Variants in MAGI2 observed in about 807,000 individuals in gnomAD.
MAGI2 encodes the protein membrane associated guanylate kinase, WW and PDZ domain containing 2.
Under a neutral mutation model 133.3 loss-of-function variants are expected in MAGI2, and 35 were observed. That is an observed-to-expected ratio of 0.26 (90% CI 0.20 to 0.35). The LOEUF is 0.35. Among genes scored for constraint, MAGI2 ranks in the 10% least tolerant of loss-of-function variants. The probability of loss-of-function intolerance (pLI) is 1.00; values close to 1 mark genes in which losing one functional copy is unlikely to be tolerated. For synonymous variants in MAGI2, 729 were observed against 710.6 expected, an observed-to-expected ratio of 1.03 and a Z score of -0.41; for missense variants, 1,636 against 1,863.4, an observed-to-expected ratio of 0.88 and a Z score of 2.25.
chr7:79,053,377 A>G (rs115044666), intron 1 of MAGI2, among the ~76,000 whole-genome samples: 2,611 of 152,272 alleles, frequency 0.017, 27 homozygotes, highest in South Asian at 0.063. Context: ...AGTTTTCCAA[A>G]AACAAATACA....
chr7:79,164,231 C>T (rs989813182), intron 1 of MAGI2, among the ~76,000 whole-genome samples: 3 of 152,026 alleles, frequency 2.0e-5, no homozygotes, highest in Admixed American at 6.6e-5. Flanking sequence ...TCATGCCTTA[C>T]AAACCATGAA....
chr7:79,055,726 A>G (rs1813093675), intron 1 of MAGI2, among the ~76,000 whole-genome samples: 2 of 152,238 alleles, frequency 1.3e-5, no homozygotes, highest in South Asian at 4.1e-4. Flanking sequence ...ACTGCATGCA[A>G]CTATGAACTT....
At chr7:78,905,282 A>G (rs753297168) in intron 2 of MAGI2, among the ~76,000 whole-genome samples, 8 of 152,192 alleles carry the variant, frequency 5.3e-5, no homozygotes, top group Non-Finnish European at 1.2e-4. Context: ...CGTGCAAGCC[A>G]AAACATTTGG....
chr7:78,296,078 C>CCTAA (rs1562774913), intron 9 of MAGI2, among the ~76,000 whole-genome samples: 1 of 152,172 alleles, frequency 6.6e-6, no homozygotes, highest in Non-Finnish European at 1.5e-5. Flanking sequence ...CTAATAGCTT[C>CCTAA]CTAACTGGTC....
intron 2 of MAGI2, among the ~76,000 whole-genome samples, chr7:78,861,476 T>A (rs182684336): frequency 6.7e-4 from 102 of 152,314 alleles, no homozygotes; most frequent in African/African-American, 2.4e-3. Flanking sequence ...ACTTTCAAAT[T>A]TTATATATGA....
chr7:79,085,001 T>G (rs542686570), intron 1 of MAGI2, among the ~76,000 whole-genome samples: 24 of 151,876 alleles, frequency 1.6e-4, no homozygotes, highest in Admixed American at 3.3e-4. Context: ...TGCTTTCAAA[T>G]TATTTATATT....
intron 2 of MAGI2, among the ~76,000 whole-genome samples, chr7:79,006,250 C>A (rs150503505): frequency 6.6e-6 from 1 of 152,014 alleles, no homozygotes; most frequent in Non-Finnish European, 1.5e-5. Flanking sequence ...CCTTTCAGGA[C>A]TCATAGCTTT....
intron 20 of MAGI2, among the ~76,000 whole-genome samples, chr7:78,109,303 CAAAAAAAAA>C (rs71085511): frequency 6.5e-4 from 13 of 19,944 alleles, no homozygotes; most frequent in East Asian, 5.9e-3. Flanking sequence ...GACTCCGTCT[CAAAAAAAAA>C]AAAAAAAAAA....
At chr7:79,380,056 C>T (rs886535649) in intron 1 of MAGI2, among the ~76,000 whole-genome samples, 1 of 151,650 alleles carries the variant, frequency 6.6e-6, no homozygotes, top group Non-Finnish European at 1.5e-5. Flanking sequence ...AGAAGAAAAC[C>T]TAGGCAATAC....
chr7:79,061,137 AT>A (rs1813688714), intron 1 of MAGI2, among the ~76,000 whole-genome samples: 1 of 152,052 alleles, frequency 6.6e-6, no homozygotes, highest in East Asian at 1.9e-4. Flanking sequence ...CTAACCTTAC[AT>A]TTTAGAATTC....
At chr7:78,079,195 TTGGTGGCAGCC>T (rs1815694521) in intron 20 of MAGI2, 110 bp from the exon 21 acceptor site, 16 of 1,045,370 alleles carry the variant, frequency 1.5e-5, no homozygotes, top group Non-Finnish European at 2.1e-5. Flanking sequence ...TCCGAACAAT[TTGGTGGCAGCC>T]TGCTGCTTTT....
At chr7:79,014,765 C>A (rs924622513) in intron 1 of MAGI2, among the ~76,000 whole-genome samples, 1 of 152,064 alleles carries the variant, frequency 6.6e-6, no homozygotes, top group African/African-American at 2.4e-5. Context: ...AAAACACTTA[C>A]TAAGATTATT....
intron 3 of MAGI2, among the ~76,000 whole-genome samples, chr7:78,544,889 C>T (rs1798693820): frequency 6.6e-6 from 1 of 151,796 alleles, no homozygotes; most frequent in African/African-American, 2.4e-5. Flanking sequence ...AAAAACCTGA[C>T]TTCAGGTGAT....
chr7:78,940,726 C>G (rs985524897), intron 2 of MAGI2: 17 of 152,148 alleles, frequency 1.1e-4, no homozygotes, highest in African/African-American at 4.1e-4. Flanking sequence ...ATTACCAACA[C>G]AGCTGGGATT....
intron 1 of MAGI2, among the ~76,000 whole-genome samples, chr7:79,362,235 T>C (rs1842420414): frequency 6.6e-6 from 1 of 152,032 alleles, no homozygotes; most frequent in Admixed American, 6.6e-5. Flanking sequence ...AGTAAGGAAA[T>C]GCTATGAGCA....
At chr7:78,657,223 G>T (rs1445656962) in intron 2 of MAGI2, among the ~76,000 whole-genome samples, 1 of 152,168 alleles carries the variant, frequency 6.6e-6, no homozygotes, top group Non-Finnish European at 1.5e-5. Context: ...ATTCATTGCT[G>T]GTGGGAATGC....
In MAGI2 at chr7:79,222,932, T is replaced by G. The variant is rs909426722; in HGVS notation, c.302-215726A>C. On this transcript the variant is annotated intron_variant, in intron 1 of 21. Transcript: ENST00000354212. The stretch of plus-strand genomic sequence containing the variant: ...CGGAGTCTCACTCTGTCGCCCAGGC[T>G]GGAGTGCAGTGGCGCTGTCTCGGCT... Among the ~76,000 whole-genome samples, 6 of 152,104 alleles carry G rather than the reference T, an allele frequency of 3.9e-5. 1 individual carries two copies. Among genetic ancestry groups the G allele is most frequent in the African/African-American group, 1.5e-4 (6 of 41,352 alleles).
At chr7:78,718,052 C>A (rs566622255) in intron 2 of MAGI2, among the ~76,000 whole-genome samples, 38 of 152,262 alleles carry the variant, frequency 2.5e-4, no homozygotes, top group African/African-American at 7.7e-4. Context: ...GGGTGGAACG[C>A]CTTGCTCATT....
chr7:79,133,019 A>G (rs1821080171), intron 1 of MAGI2, among the ~76,000 whole-genome samples: 1 of 151,812 alleles, frequency 6.6e-6, no homozygotes, highest in Non-Finnish European at 1.5e-5. Context: ...TTGATGATTC[A>G]CTGGAGTTCC....
Sources: gnomAD v4.1 joint callset for allele counts (sites outside exome capture counted in the v4.1 genomes callset) on GRCh38, gnomAD v4.1.1 for gene constraint, MANE v1.5 for transcripts, NCBI Gene and HGNC (gene_info 2026-07-23, HGNC 2026-07-21) for gene names.